Variants in PAK3 observed in about 807,000 individuals in gnomAD.
PAK3 encodes serine/threonine-protein kinase PAK 3.
A neutral mutation model predicts 41.0 loss-of-function variants in PAK3; 4 were observed. The ratio of observed to expected loss-of-function variants is 0.10; its 90% CI spans 0.05 to 0.22. PAK3 has a LOEUF of 0.22. PAK3 is among the 10% of genes least tolerant of loss of function. PAK3 has a pLI of 1.00. For missense variants in PAK3, 205 were observed against 409.9 expected, an observed-to-expected ratio of 0.50 and a Z score of 4.32; for synonymous variants, 146 against 139.6, an observed-to-expected ratio of 1.05 and a Z score of -0.32.
intron 1 of PAK3, among the ~76,000 whole-genome samples, chrX:111,059,871 C>T (rs7061847): frequency 0.047 from 5,212 of 111,374 alleles, 294 homozygotes; most frequent in African/African-American, 0.16. Context: ...TTATGTTATT[C>T]GTCAATAGAA....
chrX:111,059,876 A>G (rs762817607), intron 1 of PAK3, among the ~76,000 whole-genome samples: 48 of 111,982 alleles, frequency 4.3e-4, no homozygotes, highest in Non-Finnish European at 7.9e-4. Context: ...TTATTCGTCA[A>G]TAGAAATAGT....
chrX:111,092,454 C>T (rs1456532644), upstream of PAK3, among the ~76,000 whole-genome samples: 2 of 111,677 alleles, frequency 1.8e-5, no homozygotes, highest in Non-Finnish European at 3.8e-5. Context: ...CATTTTTTCA[C>T]TCAAGAATGG....
chrX:111,075,329 A>T (rs1298795981), intron 1 of PAK3, among the ~76,000 whole-genome samples: 13 of 112,646 alleles, frequency 1.2e-4, no homozygotes, highest in African/African-American at 3.9e-4. Flanking sequence ...TTCATGGGCC[A>T]GGCCCAGAGT....
intron 1 of PAK3, among the ~76,000 whole-genome samples, chrX:110,968,062 C>G (rs1217024840): frequency 8.9e-6 from 1 of 112,572 alleles, no homozygotes; most frequent in African/African-American, 3.2e-5. Context: ...AAGAGTATGA[C>G]ACAAGTGAAA....
At chrX:110,974,819 T>C (rs2091293321) in intron 1 of PAK3, among the ~76,000 whole-genome samples, 1 of 111,932 alleles carries the variant, frequency 8.9e-6, no homozygotes, top group South Asian at 3.8e-4. Flanking sequence ...TGCAAATCAA[T>C]AAACATAATC....
At chrX:111,046,535 G>A (rs779415727) in intron 1 of PAK3, among the ~76,000 whole-genome samples, 1 of 111,651 alleles carries the variant, frequency 9.0e-6, no homozygotes, top group Non-Finnish European at 1.9e-5. Context: ...AATGTCATGT[G>A]AGGCAATATA....
At chrX:111,020,617 C>G (rs1490008329) in intron 1 of PAK3, among the ~76,000 whole-genome samples, 1 of 111,379 alleles carries the variant, frequency 9.0e-6, no homozygotes, top group East Asian at 2.8e-4. Flanking sequence ...CCAAGAACTA[C>G]CACAGGAACA....
At chrX:111,121,418 C>A (rs1045329657) in intron 4 of PAK3, among the ~76,000 whole-genome samples, 2 of 111,950 alleles carry the variant, frequency 1.8e-5, no homozygotes, top group Non-Finnish European at 3.8e-5. Flanking sequence ...TGAGTAATTA[C>A]AGACTGTATA....
intron 14 of PAK3, 62 bp from the exon 15 acceptor site, chrX:111,195,780 A>G (rs2094608019): frequency 2.7e-6 from 2 of 741,362 alleles, no homozygotes; most frequent in Admixed American, 2.3e-5. Context: ...TTATCTAGAA[A>G]TAAAACTTAG....
At chrX:110,978,215 G>T (rs1005901338) in intron 1 of PAK3, among the ~76,000 whole-genome samples, 20 of 111,341 alleles carry the variant, frequency 1.8e-4, no homozygotes, top group African/African-American at 6.2e-4. Context: ...AAACAACCTT[G>T]AATTCCTGGG....
chrX:110,974,210 A>C (rs1374839811), intron 1 of PAK3, among the ~76,000 whole-genome samples: 2 of 111,476 alleles, frequency 1.8e-5, no homozygotes, highest in Non-Finnish European at 3.8e-5. Flanking sequence ...TGCAACAAGC[A>C]GACCTAATAG....
At chrX:111,072,075 T>C (rs1045473623) in intron 1 of PAK3, among the ~76,000 whole-genome samples, 2 of 112,201 alleles carry the variant, frequency 1.8e-5, no homozygotes, top group Non-Finnish European at 3.8e-5. Context: ...GCCAAACTTG[T>C]ACACTGTACT....
chrX:111,071,944 TAACA>T (rs2092748707), intron 1 of PAK3, among the ~76,000 whole-genome samples: 1 of 112,257 alleles, frequency 8.9e-6, no homozygotes, highest in Admixed American at 9.4e-5. Context: ...CCAAGGTAGC[TAACA>T]AACAGATACA....
At chrX:111,005,529 A>G (rs986286090) in intron 1 of PAK3, among the ~76,000 whole-genome samples, 5 of 111,562 alleles carry the variant, frequency 4.5e-5, no homozygotes, top group African/African-American at 1.6e-4. Flanking sequence ...GTGCAGCCCC[A>G]GCTTGCTACA....
intron 15 of PAK3, 95 bp downstream of exon 15, chrX:111,196,036 A>C: frequency 1.6e-6 from 1 of 625,868 alleles, no homozygotes; most frequent in Non-Finnish European, 2.7e-6. Context: ...AAAGTGATTT[A>C]TTTGAAAGAA....
chrX:111,145,328 G>A (rs746973924), intron 6 of PAK3, among the ~76,000 whole-genome samples: 1 of 112,081 alleles, frequency 8.9e-6, no homozygotes, highest in South Asian at 3.7e-4. Flanking sequence ...TCTGCTATTG[G>A]CAGCATTTTT....
chrX:111,173,619 TTAAAGA>T (rs1333479497), intron 11 of PAK3, among the ~76,000 whole-genome samples: 2 of 111,501 alleles, frequency 1.8e-5, no homozygotes, highest in Non-Finnish European at 3.8e-5. Flanking sequence ...AATATACTTG[TTAAAGA>T]TAAAGATTCC....
chrX:111,012,669 T>C (rs912832220), intron 1 of PAK3, among the ~76,000 whole-genome samples: 3 of 112,660 alleles, frequency 2.7e-5, no homozygotes, highest in African/African-American at 9.7e-5. Context: ...GGAATTACTT[T>C]TGCAAAAGTA....
chrX:111,035,293 T>G (rs985132353), intron 1 of PAK3, among the ~76,000 whole-genome samples: 15 of 111,352 alleles, frequency 1.3e-4, no homozygotes, highest in African/African-American at 4.3e-4. Flanking sequence ...TATGTACTTG[T>G]GGTCAACAAA....
Sources: gnomAD v4.1 joint callset for allele counts (sites outside exome capture counted in the v4.1 genomes callset) on GRCh38, gnomAD v4.1.1 for gene constraint, MANE v1.5 for transcripts, NCBI Gene and HGNC (gene_info 2026-07-23, HGNC 2026-07-21) for gene names.